PLEKHA8: variants seen among roughly 807,000 people sequenced by gnomAD.
The protein encoded by PLEKHA8 is pleckstrin homology domain containing A8, also known as pleckstrin homology domain-containing family A member 8.
PLEKHA8 carries 36 observed loss-of-function variants against 68.2 expected under a neutral mutation model. The observed-to-expected ratio is 0.53, with a 90% CI of 0.40 to 0.70. PLEKHA8 has a LOEUF of 0.70. Ranked by LOEUF, PLEKHA8 falls within the 30% of genes least tolerant of loss-of-function variation. The pLI, the probability that PLEKHA8 is intolerant of heterozygous loss-of-function variation, is 0.00. For synonymous variants in PLEKHA8, 211 were observed against 216.1 expected (o/e 0.98, Z 0.20); for missense variants, 505 against 615.4 (o/e 0.82, Z 1.90).
At position 30,080,125 on chromosome 7, in the gene PLEKHA8, C is replaced by T; in HGVS notation, c.*1338C>T. ...GAGCAGGCAAAATGCAGCTGTTTAT[C>T]AATCTCAAAAGCTTTGGGACAGTGT... On this transcript the variant is annotated 3_prime_UTR_variant, in exon 14 of 14. Transcript: ENST00000449726. 1 of 985,294 alleles carries T rather than the reference C, an allele frequency of 1.0e-6. No individual in the cohort carries two copies. The highest frequency in any genetic ancestry group is 1.2e-6 in the Non-Finnish European group (1 of 829,900). The allele number at this position is 985,294 out of a possible 1,614,324, so 61.0% of individuals were successfully genotyped here. A position where few individuals can be genotyped will look rare whatever the true frequency, so the allele number is the denominator to read the frequency against.
intron 7 of PLEKHA8, among the ~76,000 whole-genome samples, chr7:30,054,481 A>G (rs1792669308): frequency 6.6e-6 from 1 of 152,188 alleles, no homozygotes; most frequent in Non-Finnish European, 1.5e-5. Flanking sequence ...TTGAATGATA[A>G]TGAAAATATT....
intron 12 of PLEKHA8, among the ~76,000 whole-genome samples, chr7:30,067,116 C>G (rs1793900725): frequency 6.6e-6 from 1 of 152,212 alleles, no homozygotes; most frequent in African/African-American, 2.4e-5. Context: ...TGACCTCTTT[C>G]CACTGGTTAT....
At chr7:30,061,093 T>G (rs536117591) in intron 10 of PLEKHA8, 151 bp downstream of exon 10, 291 of 689,840 alleles carry the variant, frequency 4.2e-4, no homozygotes, top group Non-Finnish European at 5.9e-4. Flanking sequence ...CTGTGAATGC[T>G]CAGTAAGGGA....
At chr7:30,055,498 C>T (rs1330438423) in intron 9 of PLEKHA8, among the ~76,000 whole-genome samples, 156 bp downstream of exon 9, 2 of 152,120 alleles carry the variant, frequency 1.3e-5, no homozygotes, top group Non-Finnish European at 2.9e-5. Context: ...ACTGTGTGAC[C>T]TTAAGCATTA....
downstream of PLEKHA8, among the ~76,000 whole-genome samples, chr7:30,091,104 C>T (rs1795397696): frequency 6.6e-6 from 1 of 152,176 alleles, no homozygotes; most frequent in African/African-American, 2.4e-5. Context: ...TTCAAGGCTG[C>T]AGGCCACTGC....
intron 13 of PLEKHA8, among the ~76,000 whole-genome samples, chr7:30,112,396 C>T (rs1187165521): frequency 1.3e-5 from 2 of 151,166 alleles, no homozygotes; most frequent in African/African-American, 2.4e-5. Context: ...AAAAAAAAAC[C>T]TTAAAAATAC....
chr7:30,035,988 G>A (rs1791038055), intron 1 of PLEKHA8, among the ~76,000 whole-genome samples: 1 of 151,534 alleles, frequency 6.6e-6, no homozygotes, highest in African/African-American at 2.4e-5. Flanking sequence ...AGGCATGGTG[G>A]CTCACACCTG....
At chr7:30,120,500 G>A (rs925617864) in intron 13 of PLEKHA8, among the ~76,000 whole-genome samples, 10 of 152,348 alleles carry the variant, frequency 6.6e-5, no homozygotes, top group Admixed American at 1.3e-4. Context: ...AGAACTCTGC[G>A]ATTGGTGCAA....
At chr7:30,092,058 T>G (rs1795434783), downstream of PLEKHA8, among the ~76,000 whole-genome samples, 1 of 152,222 alleles carries the variant, frequency 6.6e-6, no homozygotes, top group South Asian at 2.1e-4. Flanking sequence ...CCTGTCTCTG[T>G]GTGTTACACA....
chr7:30,081,899 G>A lies in PLEKHA8; in HGVS notation c.*3112G>A. Reference sequence around the variant, plus strand: ...TTGAATTAAACAAAATATTTTCAATGATGGCAAGTCTCTTGACTTTTGAAA... The same window carrying A: ...TTGAATTAAACAAAATATTTTCAATAATGGCAAGTCTCTTGACTTTTGAAA... On this transcript the variant is annotated 3_prime_UTR_variant, in exon 14 of 14. Coordinates refer to ENST00000449726, the MANE Select transcript of PLEKHA8 (RefSeq NM_001197026.2). The A allele has an allele frequency of 1.0e-6, 1 of 981,754 alleles. No individual in the cohort carries two copies. Among genetic ancestry groups the A allele is most frequent in the Non-Finnish European group, 1.2e-6 (1 of 826,584 alleles). The allele number at this position is 981,754 out of a possible 1,614,324, so 60.8% of individuals were successfully genotyped here. A position where few individuals can be genotyped will look rare whatever the true frequency, so the allele number is the denominator to read the frequency against.
rs186177218 is a variant in PLEKHA8 at position 30,109,512 on chromosome 7, C to T, written c.1363-19754C>T. Among the ~76,000 whole-genome samples the T allele has an allele frequency of 5.0e-4, 67 of 132,916 alleles. 1 individual carries two copies. Among genetic ancestry groups the T allele is most frequent in the African/African-American group, 1.6e-3 (57 of 36,484 alleles). The allele number at this position is 132,916 out of a possible 152,430, so 87.2% of individuals were successfully genotyped here. Reference sequence around the variant, plus strand: ...CTTAGGCAGGAGAAATGCTTGAACCCGGGAGGTGGAGGTTGCAGTCAGCCA... The same window carrying T: ...CTTAGGCAGGAGAAATGCTTGAACCTGGGAGGTGGAGGTTGCAGTCAGCCA... On this transcript the variant is annotated intron_variant, in intron 13 of 13. Transcript: ENST00000396257.
Position 30,049,554 on chromosome 7 carries a change from A to G in PLEKHA8, c.597+172A>G, listed in dbSNP as rs1583806551. ...CTCAGCACCCCATATCCAGTCAGTT[A>G]TTTGTGGCAATTTTACCACCTAAAC... On this transcript the variant is annotated intron_variant, in intron 5 of 13. Coordinates refer to ENST00000449726, the MANE Select transcript of PLEKHA8 (RefSeq NM_001197026.2). 6.6e-6 allele frequency: 5 copies of G among 760,286 alleles called. No homozygotes were observed. The East Asian group carries it at 1.5e-4, about 22-fold the overall frequency. The allele number at this position is 760,286 out of a possible 1,614,324, so 47.1% of individuals were successfully genotyped here. A position where few individuals can be genotyped will look rare whatever the true frequency, so the allele number is the denominator to read the frequency against.
chr7:30,063,790 G>A (rs370753750), intron 12 of PLEKHA8, among the ~76,000 whole-genome samples: 2 of 152,226 alleles, frequency 1.3e-5, no homozygotes, highest in Non-Finnish European at 2.9e-5. Flanking sequence ...TTAGGGAACT[G>A]TAAGATTAAA....
At chr7:30,033,835 C>T (rs573203729) in intron 1 of PLEKHA8, among the ~76,000 whole-genome samples, 11 of 152,112 alleles carry the variant, frequency 7.2e-5, no homozygotes, top group Non-Finnish European at 1.2e-4. Context: ...TATAGCTATC[C>T]TAGTAGTGGA....
chr7:30,063,357 T>C (rs1417166925), intron 12 of PLEKHA8, among the ~76,000 whole-genome samples: 1 of 152,212 alleles, frequency 6.6e-6, no homozygotes, highest in Non-Finnish European at 1.5e-5. Context: ...GATGTGTGGA[T>C]AGAGCCATTT....
At chr7:30,038,036 C>A (rs1791236550) in intron 1 of PLEKHA8, among the ~76,000 whole-genome samples, 4 of 152,006 alleles carry the variant, frequency 2.6e-5, no homozygotes. Flanking sequence ...CTTCTGCTTT[C>A]CTAGAACACC....
At chr7:30,100,889 A>T (rs541579810) in intron 13 of PLEKHA8, among the ~76,000 whole-genome samples, 1 of 152,190 alleles carries the variant, frequency 6.6e-6, no homozygotes, top group Non-Finnish European at 1.5e-5. Flanking sequence ...AGATGGATCA[A>T]TGTAGAAAAG....
chr7:30,121,096 A>T (rs553501502), intron 13 of PLEKHA8, among the ~76,000 whole-genome samples: 1 of 151,826 alleles, frequency 6.6e-6, no homozygotes, highest in African/African-American at 2.4e-5. Flanking sequence ...CAAAGGATAC[A>T]TACTGTGATT....
In PLEKHA8 at chr7:30,095,935, G is replaced by T. The variant is rs1331337640; in HGVS notation, c.1362+21803G>T. Among the ~76,000 whole-genome samples, 16 of 152,312 alleles carry T rather than the reference G, an allele frequency of 1.1e-4. No individual in the cohort carries two copies. In the East Asian group the frequency reaches 2.9e-3, roughly 27 times the overall value. ...CTGTTTTGGTTACTGTAGCCTTGTA[G>T]TATAGTTTGAAGTCAGGTAGCGTGA... On this transcript the variant is annotated intron_variant, in intron 13 of 13. Coordinates refer to the PLEKHA8 transcript ENST00000396257.
Sources: gnomAD v4.1 joint callset for allele counts (sites outside exome capture counted in the v4.1 genomes callset) on GRCh38, gnomAD v4.1.1 for gene constraint, MANE v1.5 for transcripts, NCBI Gene and HGNC (gene_info 2026-07-23, HGNC 2026-07-21) for gene names.